The following ADAMTS17 variants were observed in gnomAD, a reference collection of about 807,000 sequenced individuals.
The protein encoded by ADAMTS17 is A disintegrin and metalloproteinase with thrombospondin motifs 17.
Under a neutral mutation model 141.5 loss-of-function variants are expected in ADAMTS17, and 113 were observed. The observed-to-expected ratio is 0.80, with a 90% CI of 0.69 to 0.93. The LOEUF (loss-of-function observed/expected upper bound fraction) is 0.93, where lower values mean the gene tolerates loss of function less well. ADAMTS17 is among the 40% of genes least tolerant of loss of function. ADAMTS17 has a pLI of 0.00. For missense variants in ADAMTS17, 1,659 were observed against 1,517.9 expected, an observed-to-expected ratio of 1.09 and a Z score of -1.54; for synonymous variants, 768 against 630.6, an observed-to-expected ratio of 1.22 and a Z score of -3.27.
Position 100,227,681 on chromosome 15 carries a change from G to A in ADAMTS17, c.1075+26455C>T, listed in dbSNP as rs553598075. Among the ~76,000 whole-genome samples, 4 of 152,322 alleles carry A rather than the reference G, an allele frequency of 2.6e-5. No individual in the cohort carries two copies. The South Asian group carries it at 6.2e-4, about 24-fold the overall frequency. On this transcript the variant is annotated intron_variant, in intron 7 of 21. Coordinates refer to ENST00000268070, the MANE Select transcript of ADAMTS17 (RefSeq NM_139057.4). ...CCTCACACAGTAGCTTCCCAGGGTG[G>A]AAAACCTTTCTCTGAGGCTGCCAGC... is the stretch of plus-strand genomic sequence containing the variant.
chr15:100,176,281 G>A (rs910198929), intron 8 of ADAMTS17, among the ~76,000 whole-genome samples: 3 of 152,186 alleles, frequency 2.0e-5, no homozygotes, highest in African/African-American at 4.8e-5. Context: ...CTGCTTTAAC[G>A]AGGAGGAGGA....
chr15:100,322,866 T>C (rs2045772760), intron 3 of ADAMTS17, among the ~76,000 whole-genome samples: 1 of 152,012 alleles, frequency 6.6e-6, no homozygotes, highest in Non-Finnish European at 1.5e-5. Flanking sequence ...GGCAGACAGA[T>C]CACGAGGTCA....
chr15:99,975,355 A>ATG (rs1346386487), intron 21 of ADAMTS17, among the ~76,000 whole-genome samples: 2 of 152,176 alleles, frequency 1.3e-5, no homozygotes, highest in South Asian at 2.1e-4. Flanking sequence ...GACTACAGGC[A>ATG]CACGCCACCA....
At chr15:100,034,512 G>T (rs2030510228) in intron 18 of ADAMTS17, among the ~76,000 whole-genome samples, 1 of 152,240 alleles carries the variant, frequency 6.6e-6, no homozygotes, top group Non-Finnish European at 1.5e-5. Context: ...CTCACCTGAA[G>T]AGCACAGTGA....
chr15:100,303,707 ATTTATTTTAT>A (rs571899626), intron 3 of ADAMTS17, among the ~76,000 whole-genome samples: 1 of 152,018 alleles, frequency 6.6e-6, no homozygotes, highest in African/African-American at 2.4e-5. Flanking sequence ...CTTTTTTAAA[ATTTATTTTAT>A]TTTATTTTAT....
rs2038140536 is a variant in ADAMTS17 at position 100,133,129 on chromosome 15, A to C, written c.1575+85T>G. ...GGATGTTTCAGGGGCTCCTAAGTAG[A>C]GTACAGATTGTGTGTCAGAAGAGGT... On this transcript the variant is annotated intron_variant, in intron 11 of 21. Coordinates refer to ENST00000268070, the MANE Select transcript of ADAMTS17 (RefSeq NM_139057.4). 3 of 1,313,978 alleles carry C rather than the reference A, an allele frequency of 2.3e-6. No homozygotes were observed. The South Asian group carries it at 3.9e-5, about 17-fold the overall frequency. 81.4% of individuals were successfully genotyped at this position (1,313,978 alleles called of 1,614,324 possible). A position where few individuals can be genotyped will look rare whatever the true frequency, so the allele number is the denominator to read the frequency against.
At chr15:100,111,306 G>A (rs571193864) in intron 13 of ADAMTS17, among the ~76,000 whole-genome samples, 1 of 152,352 alleles carries the variant, frequency 6.6e-6, no homozygotes, top group East Asian at 1.9e-4. Context: ...GGGAGCTGTC[G>A]GAGGGCTGGG....
At chr15:100,265,181 G>A (rs1164948444) in intron 4 of ADAMTS17, among the ~76,000 whole-genome samples, 3 of 152,178 alleles carry the variant, frequency 2.0e-5, no homozygotes, top group South Asian at 2.1e-4. Context: ...AAGGCTCAGA[G>A]CACAGGGCAA....
At chr15:100,249,348 C>T (rs773044755) in intron 7 of ADAMTS17, among the ~76,000 whole-genome samples, 7 of 152,208 alleles carry the variant, frequency 4.6e-5, no homozygotes, top group Non-Finnish European at 8.8e-5. Context: ...TTCATCCTCC[C>T]GCCTGGCTGA....
At position 100,303,517 on chromosome 15, in the gene ADAMTS17, T is replaced by C. The variant is rs570462723; in HGVS notation, c.617-22116A>G. Among the ~76,000 whole-genome samples, 16 of 152,234 alleles carry C rather than the reference T, an allele frequency of 1.1e-4. No individual in the cohort carries two copies. In the South Asian group the frequency reaches 1.7e-3, roughly 16 times the overall value. ...GGTTGCTTGTGCTTTGGGTACCGTA[T>C]GTAAGAAACCATCGCCTAAACCTAG... On this transcript the variant is annotated intron_variant, in intron 3 of 21. Coordinates refer to ENST00000268070, the MANE Select transcript of ADAMTS17 (RefSeq NM_139057.4).
intron 15 of ADAMTS17, among the ~76,000 whole-genome samples, chr15:100,057,836 G>A (rs571974574): frequency 6.6e-6 from 1 of 152,122 alleles, no homozygotes. Context: ...AGGAGTGCCA[G>A]TGCGGAGAGA....
At chr15:99,983,031 T>C (rs931341355) in intron 20 of ADAMTS17, among the ~76,000 whole-genome samples, 2 of 152,238 alleles carry the variant, frequency 1.3e-5, no homozygotes, top group Non-Finnish European at 2.9e-5. Flanking sequence ...GAAGTTACTG[T>C]GTAAAAGAGA....
At chr15:99,986,841 G>A (rs563879869) in intron 20 of ADAMTS17, among the ~76,000 whole-genome samples, 3 of 152,276 alleles carry the variant, frequency 2.0e-5, no homozygotes, top group South Asian at 2.1e-4. Context: ...TGAAAACAAC[G>A]ATCAGCATTG....
chr15:100,096,029 C>G (rs558750087), intron 15 of ADAMTS17, among the ~76,000 whole-genome samples: 1 of 152,342 alleles, frequency 6.6e-6, no homozygotes, highest in Non-Finnish European at 1.5e-5. Context: ...AGGTGTCTCT[C>G]CCACCTTCTC....
chr15:100,069,175 A>C (rs977663792), intron 15 of ADAMTS17, among the ~76,000 whole-genome samples: 1 of 152,214 alleles, frequency 6.6e-6, no homozygotes, highest in Non-Finnish European at 1.5e-5. Flanking sequence ...AAATGAAGCG[A>C]GAAGAGAAGT....
At chr15:100,284,682 T>C (rs1477540261) in intron 3 of ADAMTS17, among the ~76,000 whole-genome samples, 1 of 152,246 alleles carries the variant, frequency 6.6e-6, no homozygotes, top group Non-Finnish European at 1.5e-5. Flanking sequence ...TCATTTTTGA[T>C]GGTCATTCCT....
chr15:100,234,984 T>C (rs987832971), intron 7 of ADAMTS17, among the ~76,000 whole-genome samples: 1 of 152,172 alleles, frequency 6.6e-6, no homozygotes, highest in Non-Finnish European at 1.5e-5. Context: ...ATGAATAAGC[T>C]GAATTGGCTT....
intron 15 of ADAMTS17, among the ~76,000 whole-genome samples, chr15:100,094,652 T>C (rs2035656270): frequency 6.6e-6 from 1 of 152,228 alleles, no homozygotes; most frequent in African/African-American, 2.4e-5. Context: ...AATCACGCAC[T>C]TGTAGTCAGT....
At chr15:100,223,221 G>A (rs28441576) in intron 7 of ADAMTS17, among the ~76,000 whole-genome samples, 4,872 of 152,272 alleles carry the variant, frequency 0.032, 272 homozygotes, top group African/African-American at 0.11. Flanking sequence ...GGACAGCCAC[G>A]CCTTAGCTCC....
Sources: allele counts gnomAD v4.1 joint callset (sites outside exome capture counted in the v4.1 genomes callset), GRCh38; gene constraint gnomAD v4.1.1; transcripts MANE v1.5; gene names NCBI Gene and HGNC (gene_info 2026-07-23, HGNC 2026-07-21).